The following TSEN2 variants were observed in gnomAD, a reference collection of about 807,000 sequenced individuals.
TSEN2 encodes the protein tRNA splicing endonuclease subunit 2, also known as tRNA-splicing endonuclease subunit Sen2.
In TSEN2, 54 loss-of-function variants were observed where a neutral mutation model predicts 59.2. The observed-to-expected ratio is 0.91, with a 90% CI of 0.73 to 1.14. The LOEUF is 1.14. TSEN2 is among the 50% of genes most tolerant of loss of function. The pLI, the probability that TSEN2 is intolerant of heterozygous loss-of-function variation, is 0.00. For synonymous variants in TSEN2, 195 were observed against 198.2 expected, an observed-to-expected ratio of 0.98 and a Z score of 0.14; for missense variants, 636 against 576.2, an observed-to-expected ratio of 1.10 and a Z score of -1.06.
At chr3:12,507,117 C>T (rs1461339112) in intron 6 of TSEN2, among the ~76,000 whole-genome samples, 2 of 152,130 alleles carry the variant, frequency 1.3e-5, no homozygotes, top group Non-Finnish European at 2.9e-5. Context: ...CACTTGAACC[C>T]GGGAGGCGGA....
upstream of TSEN2, among the ~76,000 whole-genome samples, chr3:12,481,629 C>T (rs1294470156): frequency 6.6e-6 from 1 of 152,096 alleles, no homozygotes; most frequent in Non-Finnish European, 1.5e-5. Context: ...AGATAAGCCT[C>T]CTTTAGGCAG....
At chr3:12,483,205 G>C (rs997180034), upstream of TSEN2, among the ~76,000 whole-genome samples, 1 of 152,164 alleles carries the variant, frequency 6.6e-6, no homozygotes, top group Non-Finnish European at 1.5e-5. Flanking sequence ...GTGAAACCCC[G>C]TTTCTACTAA....
chr3:12,528,337 G>A (rs1281716551), intron 8 of TSEN2, among the ~76,000 whole-genome samples: 1 of 152,198 alleles, frequency 6.6e-6, no homozygotes, highest in Non-Finnish European at 1.5e-5. Context: ...GAATTTATTT[G>A]TAGGGTGAAA....
chr3:12,495,422 G>A (rs1031504450), intron 3 of TSEN2, among the ~76,000 whole-genome samples: 5 of 152,038 alleles, frequency 3.3e-5, no homozygotes, highest in African/African-American at 1.2e-4. Context: ...TAGAGACAGG[G>A]TTTCACCATG....
At chr3:12,518,985 T>C (rs184733484) in intron 7 of TSEN2, 74 bp from the exon 8 acceptor site, 1 of 1,461,348 alleles carries the variant, frequency 6.8e-7, no homozygotes, top group East Asian at 2.3e-5. Context: ...TTAGTATAGA[T>C]GTTGGTGCCC....
At chr3:12,525,565 T>C (rs1397010319) in intron 8 of TSEN2, among the ~76,000 whole-genome samples, 4 of 152,158 alleles carry the variant, frequency 2.6e-5, no homozygotes, top group Non-Finnish European at 4.4e-5. Flanking sequence ...TATTTATTTA[T>C]GTAGTTTTTG....
chr3:12,531,010 T>TA (rs1365111061), intron 10 of TSEN2: 2 of 157,626 alleles, frequency 1.3e-5, no homozygotes, highest in African/African-American at 2.4e-5. Context: ...TCAGGAAACT[T>TA]ACAATCATAG....
intron 6 of TSEN2, among the ~76,000 whole-genome samples, chr3:12,511,448 C>A (rs2055445472): frequency 6.6e-6 from 1 of 152,056 alleles, no homozygotes. Flanking sequence ...GTTGAGACAG[C>A]TGATTAGCCA....
intron 5 of TSEN2, 143 bp from the exon 6 acceptor site, chr3:12,505,011 T>G (rs547675727): frequency 1.5e-6 from 1 of 664,376 alleles, no homozygotes; most frequent in Non-Finnish European, 2.7e-6. Flanking sequence ...AAAAAAATTG[T>G]GTTTTAATCA....
At chr3:12,537,343 G>T (rs1217984796), downstream of TSEN2, among the ~76,000 whole-genome samples, 1 of 151,948 alleles carries the variant, frequency 6.6e-6, no homozygotes, top group Non-Finnish European at 1.5e-5. Context: ...AGGCTGCAGT[G>T]AGCCGTGATT....
At chr3:12,506,646 G>A (rs994956525) in intron 6 of TSEN2, 6 of 971,232 alleles carry the variant, frequency 6.2e-6, no homozygotes, top group South Asian at 4.8e-5. Flanking sequence ...CCAGTGACCT[G>A]GAGTTCCTCT....
chr3:12,512,633 A>G (rs1392082782), intron 6 of TSEN2, among the ~76,000 whole-genome samples: 2 of 152,262 alleles, frequency 1.3e-5, no homozygotes, highest in African/African-American at 2.4e-5. Context: ...AGTAGAATAC[A>G]CTTTTTTCCT....
At position 12,532,839 on chromosome 3, in the gene TSEN2, G is replaced by A; in HGVS notation, c.*118G>A. On this transcript the variant is annotated 3_prime_UTR_variant, in exon 12 of 12. Transcript: ENST00000284995. ...AGTTTTAAAGGGCATGGTGCTCCCA[G>A]CACCAGAAAACTATCAGTGTTTTTA... The A allele has an allele frequency of 1.1e-6, 1 of 939,032 alleles. No homozygotes were observed. Among genetic ancestry groups the A allele is most frequent in the South Asian group, 1.4e-5 (1 of 73,578 alleles). 58.2% of individuals were successfully genotyped at this position (939,032 alleles called of 1,614,324 possible).
downstream of TSEN2, among the ~76,000 whole-genome samples, chr3:12,538,147 C>G (rs1308361827): frequency 6.6e-6 from 1 of 152,164 alleles, no homozygotes; most frequent in African/African-American, 2.4e-5. Flanking sequence ...GTTAACTGTG[C>G]TGAAACATGG....
Position 12,532,872 on chromosome 3 carries a change from A to G in TSEN2, c.*151A>G. On this transcript the variant is annotated 3_prime_UTR_variant, in exon 12 of 12. Coordinates refer to ENST00000284995, the MANE Select transcript of TSEN2 (RefSeq NM_025265.4). ...AAACTATCAGTGTTTTTAAAGATAA[A>G]TTACACAAGGGAGGAGAAAGATCCC... is the stretch of plus-strand genomic sequence containing the variant. The G allele has an allele frequency of 1.3e-6, 1 of 759,484 alleles. No individual in the cohort carries two copies. The highest frequency in any genetic ancestry group is 1.5e-5 in the South Asian group (1 of 65,246). The allele number at this position is 759,484 out of a possible 1,614,324, so 47.0% of individuals were successfully genotyped here. A position where few individuals can be genotyped will look rare whatever the true frequency, so the allele number is the denominator to read the frequency against.
chr3:12,495,350 C>T (rs1037450715), intron 3 of TSEN2, among the ~76,000 whole-genome samples: 1 of 152,112 alleles, frequency 6.6e-6, no homozygotes, highest in African/African-American at 2.4e-5. Flanking sequence ...CTACCTCAGC[C>T]TCCCGAGTAG....
At chr3:12,519,598 T>C (rs556323642) in intron 8 of TSEN2, among the ~76,000 whole-genome samples, 3 of 152,122 alleles carry the variant, frequency 2.0e-5, no homozygotes, top group African/African-American at 4.8e-5. Context: ...TATAAAAAAT[T>C]AGCTGGGCGT....
chr3:12,503,648 G>A lies in TSEN2; in HGVS notation c.695G>A (p.Arg232His), dbSNP rs1400123415. The A allele has an allele frequency of 5.6e-6, 9 of 1,602,858 alleles. No individual in the cohort carries two copies. The highest frequency in any genetic ancestry group is 1.1e-5 in the South Asian group (1 of 89,156). ...CCKQDALILQ[R>H]GLHHEDGSQH... Reference sequence around the variant, plus strand: ...AAACAAGATGCTCTCATCCTCCAGCGTGGCCTTCATCATGAAGACGGCAGC... The same window carrying A: ...AAACAAGATGCTCTCATCCTCCAGCATGGCCTTCATCATGAAGACGGCAGC... The change falls in exon 5 of 12, where the codon CGT becomes CAT. Residue 232 changes from arginine (R) to histidine (H), a missense_variant. Transcript: ENST00000284995.
chr3:12,505,714 G>C (rs937340843), intron 6 of TSEN2: 1 of 154,820 alleles, frequency 6.5e-6, no homozygotes, highest in Non-Finnish European at 1.4e-5. Flanking sequence ...AACCCGGGAG[G>C]TGGAGGTTGC....
Sources: allele counts gnomAD v4.1 joint callset (sites outside exome capture counted in the v4.1 genomes callset), GRCh38; gene constraint gnomAD v4.1.1; transcripts MANE v1.5; gene names NCBI Gene and HGNC (gene_info 2026-07-23, HGNC 2026-07-21).